The following STOX2 variants were observed in gnomAD, a reference collection of about 807,000 sequenced individuals.
The protein encoded by STOX2 is storkhead-box protein 2.
A neutral mutation model predicts 60.9 loss-of-function variants in STOX2; 28 were observed. That is an observed-to-expected ratio of 0.46 (90% CI 0.34 to 0.63). The LOEUF is 0.63. STOX2 is among the 30% of genes least tolerant of loss of function. The probability of loss-of-function intolerance (pLI) is 0.01; values close to 1 mark genes in which losing one functional copy is unlikely to be tolerated. For synonymous variants in STOX2, 472 were observed against 463.9 expected, an observed-to-expected ratio of 1.02 and a Z score of -0.22; for missense variants, 1,024 against 1,187.7, an observed-to-expected ratio of 0.86 and a Z score of 2.03.
At position 183,991,476 on chromosome 4, in the gene STOX2, G is replaced by A. The variant is rs138195079; in HGVS notation, c.167-9849G>A. The stretch of plus-strand genomic sequence containing the variant: ...GGAGTCTTTCCTTGTTTCCCAGGCT[G>A]GAGTGCAATGGCACGGTCTTGGCTC... On this transcript the variant is annotated intron_variant, in intron 1 of 3. Transcript: ENST00000308497. Among the ~76,000 whole-genome samples, 345 of 150,712 alleles carry A rather than the reference G, an allele frequency of 2.3e-3. 1 individual carries two copies. The highest frequency in any genetic ancestry group is 7.9e-3 in the African/African-American group (323 of 40,966).
At chr4:183,916,185 G>A (rs1004804855) in intron 1 of STOX2, among the ~76,000 whole-genome samples, 8 of 152,248 alleles carry the variant, frequency 5.3e-5, no homozygotes, top group African/African-American at 1.9e-4. Flanking sequence ...GGCCAGGGGT[G>A]GCAGCCGGCA....
At chr4:183,946,637 T>TTTTTGTTTGTTTG (rs1553979868) in intron 1 of STOX2, among the ~76,000 whole-genome samples, 22 of 151,564 alleles carry the variant, frequency 1.5e-4, no homozygotes, top group African/African-American at 5.1e-4. Context: ...GTTTTTTTTT[T>TTTTTGTTTGTTTG]TTTTTTGTGA....
chr4:183,876,366 T>G (rs11944432), intron 1 of STOX2, among the ~76,000 whole-genome samples: 3 of 151,944 alleles, frequency 2.0e-5, no homozygotes, highest in South Asian at 2.1e-4. Flanking sequence ...CTCCTTTCCT[T>G]TGGGGGAGAT....
At chr4:183,893,743 A>G (rs906808953) in intron 1 of STOX2, among the ~76,000 whole-genome samples, 2 of 152,068 alleles carry the variant, frequency 1.3e-5, no homozygotes, top group African/African-American at 4.8e-5. Flanking sequence ...TGTTCCTCTT[A>G]TAAAGCAAAA....
chr4:183,844,809 C>T (rs1416353335), intron 1 of STOX2, among the ~76,000 whole-genome samples: 6 of 152,196 alleles, frequency 3.9e-5, no homozygotes, highest in African/African-American at 1.2e-4. Context: ...TTGAGCACCT[C>T]GCCTACTATG....
intron 1 of STOX2, among the ~76,000 whole-genome samples, chr4:183,958,084 C>T (rs976892671): frequency 7.4e-5 from 11 of 148,274 alleles, no homozygotes; most frequent in African/African-American, 1.3e-4. Context: ...AACCCAAGAT[C>T]GTGAATAAGG....
intron 1 of STOX2, among the ~76,000 whole-genome samples, chr4:183,892,865 C>T (rs1741258287): frequency 6.6e-6 from 1 of 150,854 alleles, no homozygotes. Flanking sequence ...GTTGTGACTC[C>T]ATGAAGACCT....
intron 1 of STOX2, among the ~76,000 whole-genome samples, chr4:183,857,660 G>A (rs563808397): frequency 2.3e-4 from 35 of 152,096 alleles, no homozygotes; most frequent in African/African-American, 7.7e-4. Context: ...CCTGAATCCC[G>A]GGCAGCTGTG....
chr4:183,806,641 C>T lies in STOX2; in HGVS notation c.364+8586C>T, dbSNP rs1047832089. ...TTCCTTCTGTCTCAGCCTCTGCCAG[C>T]GCTGTGTCAGGTGCCTCCCTTCTTC... On this transcript the variant is annotated intron_variant, in intron 1 of 2. Transcript: ENST00000513034. The surrounding 1 kb of genome is among the most constrained non-coding windows in gnomAD (Gnocchi z 4.1). 1.3e-5 allele frequency among the ~76,000 whole-genome samples: 2 copies of T among 152,198 alleles called. No homozygotes were observed. The highest frequency in any genetic ancestry group is 2.9e-5 in the Non-Finnish European group (2 of 68,030).
At chr4:183,916,473 A>G (rs1741934450) in intron 1 of STOX2, among the ~76,000 whole-genome samples, 1 of 152,178 alleles carries the variant, frequency 6.6e-6, no homozygotes, top group African/African-American at 2.4e-5. Context: ...CTTACCTGCA[A>G]CATGGGAATA....
intron 1 of STOX2, among the ~76,000 whole-genome samples, chr4:183,914,384 G>A (rs1741870464): frequency 6.6e-6 from 1 of 152,206 alleles, no homozygotes. Flanking sequence ...GCCTCAGCGA[G>A]CCGAGATTGT....
At chr4:183,899,444 G>A (rs1330327080) in intron 1 of STOX2, among the ~76,000 whole-genome samples, 1 of 152,198 alleles carries the variant, frequency 6.6e-6, no homozygotes, top group African/African-American at 2.4e-5. Context: ...GTTGTTGAAG[G>A]AAATTAGAAG....
chr4:184,012,198 T>G (rs1360354780), intron 3 of STOX2, among the ~76,000 whole-genome samples: 1 of 152,218 alleles, frequency 6.6e-6, no homozygotes, highest in East Asian at 1.9e-4. Context: ...CTAGAGTTAT[T>G]CAGGGATTCA....
At chr4:183,953,945 G>A (rs1003107435) in intron 1 of STOX2, among the ~76,000 whole-genome samples, 3 of 152,090 alleles carry the variant, frequency 2.0e-5, no homozygotes, top group Admixed American at 1.3e-4. Context: ...GCCGGAAAGT[G>A]GTTCTGAATA....
At chr4:183,852,536 G>A (rs71638108) in intron 1 of STOX2, among the ~76,000 whole-genome samples, 132 of 4,008 alleles carry the variant, frequency 0.033, 11 homozygotes, top group Admixed American at 0.063. Flanking sequence ...AAAGGATGAG[G>A]GAAAGGATGA....
At chr4:183,915,479 C>T (rs1741905791) in intron 1 of STOX2, among the ~76,000 whole-genome samples, 1 of 151,334 alleles carries the variant, frequency 6.6e-6, no homozygotes, top group Non-Finnish European at 1.5e-5. Flanking sequence ...ATGTCGGTGT[C>T]ATTCCTCATT....
chr4:183,874,745 T>A (rs892291178), intron 1 of STOX2, among the ~76,000 whole-genome samples: 22 of 150,052 alleles, frequency 1.5e-4, no homozygotes, highest in African/African-American at 4.9e-4. Context: ...GCTAACACGG[T>A]GAAACCCCGT....
chr4:183,799,164 G>A (rs1177249133), intron 1 of STOX2, among the ~76,000 whole-genome samples: 3 of 152,128 alleles, frequency 2.0e-5, no homozygotes, highest in Non-Finnish European at 4.4e-5. Context: ...ATTTTGTTGT[G>A]TTTTGTCTAT....
chr4:184,011,457 C>G lies in STOX2; in HGVS notation c.2585+34C>G. The G allele has an allele frequency of 6.3e-7, 1 of 1,590,120 alleles. No homozygotes were observed. The highest frequency in any genetic ancestry group is 8.6e-7 in the Non-Finnish European group (1 of 1,167,006). ...AGGTGTCTCTGTGCACACACATGCGCCTAGCGGGGCCTGGGGCTTTATGCA... is the reference window on the plus strand; with the variant it reads ...AGGTGTCTCTGTGCACACACATGCGGCTAGCGGGGCCTGGGGCTTTATGCA... On this transcript the variant is annotated intron_variant, in intron 3 of 3. Coordinates refer to ENST00000308497, the MANE Select transcript of STOX2 (RefSeq NM_020225.3). The surrounding 1 kb of genome is among the most constrained non-coding windows in gnomAD (Gnocchi z 4.4).
Sources: allele counts gnomAD v4.1 joint callset (sites outside exome capture counted in the v4.1 genomes callset), GRCh38; gene constraint gnomAD v4.1.1; non-coding constraint Gnocchi (gnomAD v3.1); transcripts MANE v1.5; gene names NCBI Gene and HGNC (gene_info 2026-07-23, HGNC 2026-07-21).